The following AHCTF1 variants were observed in gnomAD, a reference collection of about 807,000 sequenced individuals.
The protein encoded by AHCTF1 is protein ELYS.
Under a neutral mutation model 248.4 loss-of-function variants are expected in AHCTF1, and 24 were observed. That is an observed-to-expected ratio of 0.10 (90% CI 0.07 to 0.14). AHCTF1 has a LOEUF of 0.14. Ranked by LOEUF, AHCTF1 falls within the 10% of genes least tolerant of loss-of-function variation. AHCTF1 has a pLI of 1.00. For synonymous variants in AHCTF1, 786 were observed against 929.8 expected (o/e 0.85, Z 2.81); for missense variants, 2,206 against 2,636.2 (o/e 0.84, Z 3.57).
chr1:246,848,248 T>C (rs925473429), intron 33 of AHCTF1, among the ~76,000 whole-genome samples: 5 of 152,138 alleles, frequency 3.3e-5, no homozygotes, highest in African/African-American at 1.2e-4. Context: ...TATTATTATT[T>C]GGCCCCCCGG....
intron 20 of AHCTF1, among the ~76,000 whole-genome samples, chr1:246,886,456 T>G (rs758941358): frequency 6.6e-6 from 1 of 152,214 alleles, no homozygotes; most frequent in Non-Finnish European, 1.5e-5. Context: ...AATCTACAGA[T>G]GATTTAAAGA....
rs1337092231 is a variant in AHCTF1, at chr1:246,847,302, CAAACAA to C, written c.6391+2307_6391+2312del. On this transcript the variant is annotated intron_variant, in intron 33 of 35. Coordinates refer to ENST00000648844, the MANE Select transcript of AHCTF1 (RefSeq NM_001323342.2). ...CAAACTCCATCTCAAAAAAAAAAAA[CAAACAA>C]AAAAAAAACTGAAAATGCTCATGAC... is the stretch of plus-strand genomic sequence containing the variant. Among the ~76,000 whole-genome samples, 18 of 108,240 alleles carry C rather than the reference CAAACAA, an allele frequency of 1.7e-4. 1 individual carries two copies. The highest frequency in any genetic ancestry group is 3.4e-4 in the Admixed American group (4 of 11,778). The allele number at this position is 108,240 out of a possible 152,430, so 71.0% of individuals were successfully genotyped here.
intron 29 of AHCTF1, 77 bp from the exon 30 acceptor site, chr1:246,857,891 T>C: frequency 7.2e-7 from 1 of 1,387,722 alleles, no homozygotes; most frequent in Non-Finnish European, 9.9e-7. Context: ...TATTACTTTT[T>C]AAAAAGTTGT....
intron 8 of AHCTF1, 109 bp from the exon 9 acceptor site, chr1:246,900,578 T>A: frequency 8.6e-7 from 1 of 1,163,778 alleles, no homozygotes; most frequent in Non-Finnish European, 1.2e-6. Context: ...TTAATTCATA[T>A]TTCACTTGAT....
At position 246,905,506 on chromosome 1, in the gene AHCTF1, A is replaced by G. The variant is rs375728771; in HGVS notation, c.881+35T>C. Reference sequence around the variant, plus strand: ...AGCGAGACTCTGTCTCCAAAAAAACAAAACAAAACAAAACAAAGTTTGTAT... The same window carrying G: ...AGCGAGACTCTGTCTCCAAAAAAACGAAACAAAACAAAACAAAGTTTGTAT... On this transcript the variant is annotated intron_variant, in intron 6 of 35. Transcript: ENST00000648844. 83 of 1,562,206 alleles carry G rather than the reference A, an allele frequency of 5.3e-5. No individual in the cohort carries two copies. The African/African-American group carries it at 1.1e-3, about 21-fold the overall frequency.
At position 246,855,952 on chromosome 1, in the gene AHCTF1, C is replaced by G. The variant is rs1661085081; in HGVS notation, c.4257-125G>C. 37 of 544,406 alleles carry G rather than the reference C, an allele frequency of 6.8e-5. No individual in the cohort carries two copies. The South Asian group carries it at 1.1e-3, about 16-fold the overall frequency. The allele number at this position is 544,406 out of a possible 1,614,324, so 33.7% of individuals were successfully genotyped here. On this transcript the variant is annotated intron_variant, in intron 30 of 35. Transcript: ENST00000648844. ...CTGAGGTTCAGAGAATTCAATACAACTCAAGCTCATTCTGAACAATAATAT... is the reference window on the plus strand; with the variant it reads ...CTGAGGTTCAGAGAATTCAATACAAGTCAAGCTCATTCTGAACAATAATAT...
chr1:246,848,660 G>A (rs1357474162), intron 33 of AHCTF1, among the ~76,000 whole-genome samples: 1 of 151,842 alleles, frequency 6.6e-6, no homozygotes, highest in African/African-American at 2.4e-5. Flanking sequence ...GAGGTCAGGA[G>A]TTCAAGATCA....
chr1:246,864,361 C>A, intron 26 of AHCTF1: 1 of 370,764 alleles, frequency 2.7e-6, no homozygotes, highest in East Asian at 4.7e-5. Context: ...GTCCTCCTTC[C>A]CTTTACCTAT....
chr1:246,929,169 T>C (rs111926413), intron 1 of AHCTF1, among the ~76,000 whole-genome samples: 4 of 151,880 alleles, frequency 2.6e-5, no homozygotes, highest in Admixed American at 6.6e-5. Flanking sequence ...AGCACTTTGG[T>C]TGGCCGAGGT....
intron 5 of AHCTF1, among the ~76,000 whole-genome samples, chr1:246,906,697 G>A (rs1356687103): frequency 1.3e-5 from 2 of 152,140 alleles, no homozygotes; most frequent in African/African-American, 4.8e-5. Context: ...AGGAAAAATG[G>A]AGAAACAAAT....
intron 27 of AHCTF1, among the ~76,000 whole-genome samples, chr1:246,863,604 AATG>A (rs1195654544): frequency 2.6e-5 from 4 of 152,206 alleles, no homozygotes; most frequent in Admixed American, 6.5e-5. Context: ...ATAACAGCAT[AATG>A]ATATCAGAAA....
In AHCTF1 at chr1:246,860,977, T is replaced by A. The variant is rs1661497155; in HGVS notation, c.4054A>T (p.Thr1352Ser). The A allele has an allele frequency of 4.3e-6, 7 of 1,613,842 alleles. No individual in the cohort carries two copies. In the South Asian group the frequency reaches 6.6e-5, roughly 15 times the overall value. Residue 1352 changes from threonine (T) to serine (S), a missense_variant, in exon 29 of 36, where the codon ACT becomes TCT. Coordinates refer to ENST00000648844, the MANE Select transcript of AHCTF1 (RefSeq NM_001323342.2). Reference sequence around the variant, plus strand: ...TCTCCATCCTTTTCAGTTTGTTCAGTTACATTAGTAGTTAGTGCAGTGGAA... The same window carrying A: ...TCTCCATCCTTTTCAGTTTGTTCAGATACATTAGTAGTTAGTGCAGTGGAA... The part of the protein sequence containing the change: ...SSSTALTTNV[T>S]EQTEKDGDKD...
rs1203641104 is a variant in AHCTF1, at chr1:246,888,183, G to A, written c.2319C>T (p.His773=). 1 of 1,613,940 alleles carries A rather than the reference G, an allele frequency of 6.2e-7. No homozygotes were observed. Among genetic ancestry groups the A allele is most frequent in the Admixed American group, 1.7e-5 (1 of 60,010 alleles). Residue 773 remains histidine, a synonymous_variant, in exon 19 of 36, where the codon CAC becomes CAT. Coordinates refer to ENST00000648844, the MANE Select transcript of AHCTF1 (RefSeq NM_001323342.2). ...ATAAAACTTAAAAGGATACAATAGA[G>A]TGTTTGGCTGCTTCAGTAACGCCGT... is the stretch of plus-strand genomic sequence containing the variant. ...LLDGVTEAAK[H]SITIYLLLDI...
chr1:246,867,296 G>A lies in AHCTF1; in HGVS notation c.3295C>T (p.Pro1099Ser), dbSNP rs1178507846. Reference sequence around the variant, plus strand: ...ATTGGTGTTCCAAAAAATGCCTCAGGCAGCTCTGGAGCTGGGAGCGAATAC... The same window carrying A: ...ATTGGTGTTCCAAAAAATGCCTCAGACAGCTCTGGAGCTGGGAGCGAATAC... ...IVYSLPAPEL[P>S]EAFFGTPISK... The change falls in exon 26 of 36, where the codon CCT (proline) becomes TCT (serine). Residue 1099 changes from proline (P) to serine (S), a missense_variant. Physicochemically the swap from Pro to Ser is moderately conservative, Grantham distance 74 (BLOSUM62 -1). Transcript: ENST00000648844. 2 of 1,604,330 alleles carry A rather than the reference G, an allele frequency of 1.2e-6. No individual in the cohort carries two copies. Among genetic ancestry groups the A allele is most frequent in the Non-Finnish European group, 1.7e-6 (2 of 1,175,450 alleles).
intron 24 of AHCTF1, among the ~76,000 whole-genome samples, chr1:246,869,059 T>G (rs954327380): frequency 6.6e-6 from 1 of 151,666 alleles, no homozygotes; most frequent in African/African-American, 2.4e-5. Flanking sequence ...TTGGCCAGGA[T>G]GGTCTCGATC....
Position 246,900,418 on chromosome 1 carries a change from T to A in AHCTF1, c.1169A>T (p.Tyr390Phe). The A allele has an allele frequency of 6.3e-7, 1 of 1,599,544 alleles. No homozygotes were observed. Among genetic ancestry groups the A allele is most frequent in the Non-Finnish European group, 8.5e-7 (1 of 1,176,972 alleles). ...VSVFTWQVNI[Y>F]GQGKPSVYLG... is the part of the protein sequence containing the mutation. ...ATATACAGAAGGCTTTCCCTGTCCA[T>A]ATATATTCACCTGCCAGGTAAAGAC... is the stretch of plus-strand genomic sequence containing the variant. The change falls in exon 9 of 36, where the codon TAT becomes TTT. Residue 390 changes from tyrosine to phenylalanine, a missense_variant. Tyr to Phe is a conservative substitution (Grantham distance 22). This residue lies in a region of AHCTF1 where 650 missense variants were observed against 870.8 expected (regional missense o/e 0.75). Transcript: ENST00000648844.
chr1:246,868,938 G>A lies in AHCTF1; in HGVS notation c.3089-1127C>T, dbSNP rs188662158. Among the ~76,000 whole-genome samples the A allele has an allele frequency of 1.1e-3, 169 of 149,282 alleles. No individual in the cohort carries two copies. In the East Asian group the frequency reaches 0.018, roughly 16 times the overall value. The stretch of plus-strand genomic sequence containing the variant: ...CGGCTCACTGCAAGTTCTGCCTCCC[G>A]GGTTCACGCCATTCTCCTGCCTCAG... On this transcript the variant is annotated intron_variant, in intron 24 of 35. Transcript: ENST00000648844.
At chr1:246,867,901 C>CACACACACACACACA (rs1553291133) in intron 24 of AHCTF1, 90 bp from the exon 25 acceptor site, 1 of 313,444 alleles carries the variant, frequency 3.2e-6, no homozygotes, top group South Asian at 4.4e-5. Flanking sequence ...ACCCCCCCCC[C>CACACACACACACACA]CACACACACA....
At chr1:246,917,784 C>T (rs1414471481) in intron 2 of AHCTF1, among the ~76,000 whole-genome samples, 2 of 152,136 alleles carry the variant, frequency 1.3e-5, no homozygotes, top group African/African-American at 4.8e-5. Flanking sequence ...TAGTATGGTT[C>T]TCTGATGTAT....
Sources: allele counts gnomAD v4.1 joint callset (sites outside exome capture counted in the v4.1 genomes callset), GRCh38; gene constraint gnomAD v4.1.1; regional missense constraint gnomAD v4.1.1; transcripts MANE v1.5; gene names NCBI Gene and HGNC (gene_info 2026-07-23, HGNC 2026-07-21).